TGFA: variants seen among roughly 807,000 people sequenced by gnomAD.
TGFA encodes the protein protransforming growth factor alpha.
A neutral mutation model predicts 21.7 loss-of-function variants in TGFA; 12 were observed. The observed-to-expected ratio is 0.55, with a 90% CI of 0.35 to 0.90. The LOEUF (loss-of-function observed/expected upper bound fraction) is 0.90, where lower values mean the gene tolerates loss of function less well. TGFA is among the 40% of genes least tolerant of loss of function. The pLI, the probability that TGFA is intolerant of heterozygous loss-of-function variation, is 0.01. For missense variants in TGFA, 178 were observed against 210.8 expected (o/e 0.84, Z 0.96); for synonymous variants, 79 against 88.1 (o/e 0.90, Z 0.58).
chr2:70,515,865 T>C (rs1401567443), intron 1 of TGFA, among the ~76,000 whole-genome samples: 3 of 152,196 alleles, frequency 2.0e-5, no homozygotes, highest in Non-Finnish European at 2.9e-5. Flanking sequence ...CATACTGTAT[T>C]GTCCCACTGG....
chr2:70,484,545 G>C (rs898778364), intron 2 of TGFA, among the ~76,000 whole-genome samples: 63 of 152,074 alleles, frequency 4.1e-4, no homozygotes, highest in Non-Finnish European at 1.2e-4. Context: ...TTCTTTTAGG[G>C]AATTACCTCT....
At chr2:70,464,094 C>A (rs546065076) in intron 3 of TGFA, among the ~76,000 whole-genome samples, 1 of 152,212 alleles carries the variant, frequency 6.6e-6, no homozygotes, top group Non-Finnish European at 1.5e-5. Flanking sequence ...CACAGCTGCA[C>A]CTCAGACAGA....
chr2:70,528,535 T>C (rs2103895982), intron 1 of TGFA, among the ~76,000 whole-genome samples: 1 of 151,824 alleles, frequency 6.6e-6, no homozygotes, highest in African/African-American at 2.4e-5. Context: ...GGGTGGGTCT[T>C]CCAGAGAAGT....
intron 5 of TGFA, 118 bp from the exon 6 acceptor site, chr2:70,450,984 C>G: frequency 7.9e-7 from 1 of 1,261,010 alleles, no homozygotes; most frequent in Non-Finnish European, 1.1e-6. Context: ...TTCTCTCGGG[C>G]AGTTAGGCCC....
chr2:70,493,528 T>C (rs936113033), intron 2 of TGFA, among the ~76,000 whole-genome samples: 38 of 152,268 alleles, frequency 2.5e-4, no homozygotes, highest in Admixed American at 2.2e-3. Context: ...AACCTCTGTG[T>C]TTGCCTCCAC....
intron 1 of TGFA, among the ~76,000 whole-genome samples, chr2:70,547,717 C>T (rs1230268993): frequency 6.8e-6 from 1 of 147,630 alleles, no homozygotes; most frequent in Non-Finnish European, 1.5e-5. Flanking sequence ...AGATAGTATA[C>T]TATCTATACT....
intron 3 of TGFA, among the ~76,000 whole-genome samples, chr2:70,459,624 A>G (rs370840709): frequency 5.7e-4 from 87 of 152,316 alleles, no homozygotes; most frequent in African/African-American, 2.1e-3. Flanking sequence ...GTCTTAATGC[A>G]CCAAGGGAGA....
intron 1 of TGFA, among the ~76,000 whole-genome samples, chr2:70,538,575 A>G (rs1673042227): frequency 6.6e-6 from 1 of 152,250 alleles, no homozygotes; most frequent in South Asian, 2.1e-4. Context: ...CAATGGAGGA[A>G]GCAACTACAG....
intron 2 of TGFA, among the ~76,000 whole-genome samples, chr2:70,514,288 C>A (rs1418003398): frequency 6.6e-6 from 1 of 152,052 alleles, no homozygotes; most frequent in African/African-American, 2.4e-5. Context: ...GGAGAAAGGG[C>A]AAAAGCAACA....
chr2:70,475,100 T>C (rs1461990536), intron 2 of TGFA, among the ~76,000 whole-genome samples: 2 of 152,084 alleles, frequency 1.3e-5, no homozygotes, highest in Non-Finnish European at 2.9e-5. Context: ...TGGTACCTTT[T>C]CATTTTCCAA....
At chr2:70,553,546 C>G in intron 1 of TGFA, 182 bp downstream of exon 1, 2 of 1,369,008 alleles carry the variant, frequency 1.5e-6, no homozygotes, top group Non-Finnish European at 1.9e-6. Context: ...CTCGACCGGA[C>G]AGTCCCCTCT....
At chr2:70,542,819 CTT>C (rs1673171655) in intron 1 of TGFA, among the ~76,000 whole-genome samples, 1 of 152,198 alleles carries the variant, frequency 6.6e-6, no homozygotes, top group African/African-American at 2.4e-5. Context: ...ACTTATGAAA[CTT>C]TTCCTTCAAT....
chr2:70,513,667 A>G (rs534646963), intron 2 of TGFA, among the ~76,000 whole-genome samples: 1 of 152,322 alleles, frequency 6.6e-6, no homozygotes, highest in African/African-American at 2.4e-5. Context: ...TGGGACTGGC[A>G]GTGTCGCCTC....
intron 1 of TGFA, among the ~76,000 whole-genome samples, chr2:70,526,139 G>C (rs1350608776): frequency 6.6e-6 from 1 of 152,150 alleles, no homozygotes; most frequent in Non-Finnish European, 1.5e-5. Context: ...GATCCAACCT[G>C]CCCCATTTAC....
chr2:70,519,753 A>G lies in TGFA; in HGVS notation c.41-4841T>C, dbSNP rs147681402. 2.0e-4 allele frequency among the ~76,000 whole-genome samples: 31 copies of G among 152,388 alleles called. 1 individual carries two copies. The East Asian group carries it at 5.8e-3, about 28-fold the overall frequency. On this transcript the variant is annotated intron_variant, in intron 1 of 5. Transcript: ENST00000295400. ...AAGCTCATAGGAATTTTCCATATCC[A>G]TCTAAACATATCTGACAATAGCAAA...
chr2:70,497,741 C>T (rs1476633343), intron 2 of TGFA, among the ~76,000 whole-genome samples: 1 of 152,230 alleles, frequency 6.6e-6, no homozygotes, highest in Non-Finnish European at 1.5e-5. Context: ...CTGCCAAGAA[C>T]CTTGGCCATG....
intron 3 of TGFA, among the ~76,000 whole-genome samples, chr2:70,460,415 TA>T (rs1670374214): frequency 1.3e-5 from 2 of 152,124 alleles, no homozygotes; most frequent in South Asian, 4.2e-4. Context: ...CTACTAATAT[TA>T]GACTTAATTA....
At chr2:70,452,695 A>T (rs1670094776) in intron 5 of TGFA, among the ~76,000 whole-genome samples, 1 of 152,120 alleles carries the variant, frequency 6.6e-6, no homozygotes, top group Admixed American at 6.5e-5. Flanking sequence ...TAATCCCAGC[A>T]CTTTGGGAGG....
In TGFA at chr2:70,548,933, C is replaced by T. The variant is rs1169439976; in HGVS notation, c.40+4795G>A. ...GAAAGATTTTTATACTTGACATTTC[C>T]TAGGGGGAAGAAAAGGCTAAACAAA... On this transcript the variant is annotated intron_variant, in intron 1 of 5. Coordinates refer to ENST00000295400, the MANE Select transcript of TGFA (RefSeq NM_003236.4). 1.3e-5 allele frequency among the ~76,000 whole-genome samples: 2 copies of T among 152,032 alleles called. 1 individual carries two copies. Among genetic ancestry groups the T allele is most frequent in the South Asian group, 4.1e-4 (2 of 4,824 alleles).
Sources: allele counts gnomAD v4.1 joint callset (sites outside exome capture counted in the v4.1 genomes callset), GRCh38; gene constraint gnomAD v4.1.1; transcripts MANE v1.5; gene names NCBI Gene and HGNC (gene_info 2026-07-23, HGNC 2026-07-21).